Variants in LOC400499 observed in about 807,000 individuals in gnomAD.
chr16:11,431,568 G>A, the LOC400499 span, among the ~76,000 whole-genome samples: 5 of 152,214 alleles, frequency 3.3e-5, no homozygotes, highest in Non-Finnish European at 7.4e-5. Flanking sequence ...ACAACAGCTG[G>A]CTAGTTTTTG....
the LOC400499 span, among the ~76,000 whole-genome samples, chr16:11,512,632 T>C: frequency 7.2e-5 from 11 of 152,150 alleles, no homozygotes; most frequent in Non-Finnish European, 1.5e-4. Flanking sequence ...ATAAAGTTGA[T>C]TGTGGTGATG....
the LOC400499 span, among the ~76,000 whole-genome samples, chr16:11,434,068 T>G: frequency 5.9e-5 from 9 of 151,316 alleles, no homozygotes; most frequent in African/African-American, 2.2e-4. Flanking sequence ...ACAGGAAGGG[T>G]CTATAGGAAC....
chr16:11,402,676 G>A, the LOC400499 span, among the ~76,000 whole-genome samples: 2 of 151,770 alleles, frequency 1.3e-5, no homozygotes, highest in Non-Finnish European at 2.9e-5. Context: ...AGGCTGGAGA[G>A]CCCAGCCAAG....
the LOC400499 span, chr16:11,477,819 A>C: frequency 2.5e-6 from 1 of 398,932 alleles, no homozygotes; most frequent in Non-Finnish European, 4.4e-6. Flanking sequence ...GGAGCTAGAT[A>C]CCTGGGCTTG....
chr16:11,405,550 G>A, the LOC400499 span, among the ~76,000 whole-genome samples: 3 of 152,180 alleles, frequency 2.0e-5, no homozygotes, highest in South Asian at 2.1e-4. Flanking sequence ...GCAAAGGTTC[G>A]GAGAGGGACG....
chr16:11,377,129 T>C, the LOC400499 span, among the ~76,000 whole-genome samples: 1 of 152,186 alleles, frequency 6.6e-6, no homozygotes, highest in African/African-American at 2.4e-5. Flanking sequence ...GGAATTGTTT[T>C]CTTAATTTCC....
the LOC400499 span, among the ~76,000 whole-genome samples, chr16:11,396,909 G>A: frequency 1.3e-5 from 2 of 152,124 alleles, no homozygotes; most frequent in Non-Finnish European, 2.9e-5. Context: ...TGCTCCCTCC[G>A]TAAGTGCTGC....
chr16:11,471,893 C>A, the LOC400499 span: 1 of 398,828 alleles, frequency 2.5e-6, no homozygotes, highest in South Asian at 1.3e-4. Flanking sequence ...CCGCAGCTGC[C>A]ACATCAGCAA....
chr16:11,384,542 T>C, the LOC400499 span, among the ~76,000 whole-genome samples: 1 of 152,114 alleles, frequency 6.6e-6, no homozygotes, highest in Non-Finnish European at 1.5e-5. Flanking sequence ...AGGGACAGCA[T>C]GTGTATCCCC....
At chr16:11,473,525 C>G in the LOC400499 span, among the ~76,000 whole-genome samples, 1 of 151,924 alleles carries the variant, frequency 6.6e-6, no homozygotes, top group Non-Finnish European at 1.5e-5. Flanking sequence ...GAAGCCAAAG[C>G]AGGCGGATCA....
the LOC400499 span, among the ~76,000 whole-genome samples, chr16:11,521,301 A>G: frequency 1.3e-5 from 2 of 152,236 alleles, no homozygotes; most frequent in Admixed American, 6.5e-5. Flanking sequence ...GAGAGGGTTT[A>G]TCCAGGAAAA....
the LOC400499 span, chr16:11,460,156 A>T: frequency 9.6e-7 from 1 of 1,040,352 alleles, no homozygotes; most frequent in Non-Finnish European, 1.3e-6. Flanking sequence ...CCTGGTTTTC[A>T]GAAGAGACGG....
chr16:11,389,996 G>A, the LOC400499 span: 10 of 636,840 alleles, frequency 1.6e-5, no homozygotes, highest in African/African-American at 1.3e-4. Context: ...AGAAGCCCCT[G>A]GGCAGGGTGG....
the LOC400499 span, among the ~76,000 whole-genome samples, chr16:11,421,541 A>G: frequency 1.3e-5 from 2 of 152,086 alleles, no homozygotes; most frequent in African/African-American, 4.8e-5. Context: ...AGCTGGGATT[A>G]TACGCATGCG....
At chr16:11,499,764 G>A in the LOC400499 span, among the ~76,000 whole-genome samples, 25 of 152,126 alleles carry the variant, frequency 1.6e-4, no homozygotes, top group Non-Finnish European at 1.5e-4. Context: ...GCTCCCTACC[G>A]ATGCCATCTG....
the LOC400499 span, chr16:11,465,309 C>CA: frequency 6.6e-6 from 1 of 152,070 alleles, no homozygotes; most frequent in Admixed American, 6.6e-5. Context: ...GTATTTTTAA[C>CA]AGAGACAGGG....
chr16:11,442,662 C>G, the LOC400499 span: 1 of 152,216 alleles, frequency 6.6e-6, no homozygotes, highest in South Asian at 2.1e-4. Context: ...CTTATAAACA[C>G]TGGAAATCTG....
the LOC400499 span, among the ~76,000 whole-genome samples, chr16:11,504,560 C>T: frequency 5.4e-5 from 8 of 147,294 alleles, no homozygotes; most frequent in East Asian, 5.9e-4. Context: ...CGTCCCCCCC[C>T]CCAAAAAAAA....
the LOC400499 span, among the ~76,000 whole-genome samples, chr16:11,510,777 G>A: frequency 6.6e-6 from 1 of 151,478 alleles, no homozygotes; most frequent in Non-Finnish European, 1.5e-5. Context: ...CAAACCTAAG[G>A]AGAATTCTCC....
Sources: allele counts gnomAD v4.1 joint callset (sites outside exome capture counted in the v4.1 genomes callset), GRCh38; gene constraint gnomAD v4.1.1; transcripts MANE v1.5.